Variants in ANKRD44 observed in about 807,000 individuals in gnomAD.
ANKRD44 encodes serine/threonine-protein phosphatase 6 regulatory ankyrin repeat subunit B.
A neutral mutation model predicts 116.0 loss-of-function variants in ANKRD44; 35 were observed. The observed-to-expected ratio is 0.30, with a 90% confidence interval of 0.23 to 0.40. ANKRD44 has a LOEUF of 0.40. Ranked by LOEUF, ANKRD44 falls within the 10% of genes least tolerant of loss-of-function variation. The pLI, the probability that ANKRD44 is intolerant of heterozygous loss-of-function variation, is 1.00. For synonymous variants in ANKRD44, 435 were observed against 461.8 expected, an observed-to-expected ratio of 0.94 and a Z score of 0.74; for missense variants, 1,014 against 1,242.6, an observed-to-expected ratio of 0.82 and a Z score of 2.77.
intron 1 of ANKRD44, among the ~76,000 whole-genome samples, chr2:197,260,223 A>ATCC (rs10678225): frequency 0.34 from 50,997 of 151,680 alleles, 10,518 homozygotes; most frequent in East Asian, 0.64. Flanking sequence ...TCCTAATGCT[A>ATCC]TCCTCCCCAC....
At position 197,081,175 on chromosome 2, in the gene ANKRD44, G is replaced by A. The variant is rs111945070; in HGVS notation, c.1538+470C>T. Among the ~76,000 whole-genome samples the A allele has an allele frequency of 2.6e-3, 398 of 152,318 alleles. 1 individual carries two copies. The highest frequency in any genetic ancestry group is 9.0e-3 in the African/African-American group (374 of 41,564). On this transcript the variant is annotated intron_variant, in intron 15 of 27. Transcript: ENST00000282272. ...CCAGGAGCATCCTTTTGCAGGAGCA[G>A]GAGGCTCTTCCTAAATTGATGTGCA...
At chr2:197,261,364 G>A (rs1467401156) in intron 1 of ANKRD44, among the ~76,000 whole-genome samples, 1 of 151,630 alleles carries the variant, frequency 6.6e-6, no homozygotes, top group Non-Finnish European at 1.5e-5. Flanking sequence ...TTTTTGTCAG[G>A]TTTGTCAAAG....
Position 197,310,727 on chromosome 2 carries a change from C to T in ANKRD44, c.-123G>A, listed in dbSNP as rs555216167. The T allele has an allele frequency of 2.9e-6, 3 of 1,051,446 alleles. No individual in the cohort carries two copies. Among genetic ancestry groups the T allele is most frequent in the East Asian group, 5.7e-5 (1 of 17,512 alleles). The allele number at this position is 1,051,446 out of a possible 1,614,324, so 65.1% of individuals were successfully genotyped here. A position where few individuals can be genotyped will look rare whatever the true frequency, so the allele number is the denominator to read the frequency against. ...AAAATCTGGCTCCCGAATTTGACAG[C>T]CCTCCCCCTGCTCCTCCTCCGCCGC... On this transcript the variant is annotated 5_prime_UTR_variant, in exon 1 of 28. Transcript: ENST00000282272.
At chr2:197,117,219 A>ACCTT (rs2078732194) in intron 8 of ANKRD44, among the ~76,000 whole-genome samples, 2 of 149,968 alleles carry the variant, frequency 1.3e-5, no homozygotes, top group East Asian at 2.0e-4. Context: ...CTTCCTTCCT[A>ACCTT]CCTTCCTTCC....
At chr2:197,175,340 T>C (rs2080340280) in intron 2 of ANKRD44, among the ~76,000 whole-genome samples, 1 of 152,178 alleles carries the variant, frequency 6.6e-6, no homozygotes. Context: ...TGCTCAAACA[T>C]GGAGTGTCCC....
At chr2:197,220,876 T>C (rs1243896725) in intron 1 of ANKRD44, among the ~76,000 whole-genome samples, 2 of 152,214 alleles carry the variant, frequency 1.3e-5, no homozygotes, top group Non-Finnish European at 2.9e-5. Context: ...GATCATGTTA[T>C]ATAATGTCAA....
chr2:197,003,311 A>C (rs892277731), intron 21 of ANKRD44, among the ~76,000 whole-genome samples: 6 of 149,568 alleles, frequency 4.0e-5, no homozygotes, highest in Non-Finnish European at 8.9e-5. Flanking sequence ...ACACCCCTAG[A>C]AAAAAAAAAG....
intron 2 of ANKRD44, among the ~76,000 whole-genome samples, chr2:197,160,459 T>C (rs376254249): frequency 4.6e-5 from 7 of 152,138 alleles, no homozygotes; most frequent in African/African-American, 1.7e-4. Flanking sequence ...AGCCAGCCAA[T>C]AGCAGTGCTT....
intron 21 of ANKRD44, among the ~76,000 whole-genome samples, chr2:196,980,578 G>A (rs2075793809): frequency 2.0e-5 from 3 of 152,202 alleles, no homozygotes; most frequent in Admixed American, 2.0e-4. Flanking sequence ...CTCTGCAGAA[G>A]GCCCGCTGGG....
At chr2:197,264,467 T>C (rs1360415898) in intron 1 of ANKRD44, among the ~76,000 whole-genome samples, 2 of 152,260 alleles carry the variant, frequency 1.3e-5, no homozygotes, top group African/African-American at 4.8e-5. Flanking sequence ...TTTCCCAGCA[T>C]GTTTTCAGCA....
rs1400707289 is a variant in ANKRD44, at chr2:196,980,715, C to A, written c.2368+12868G>T. 2.0e-5 allele frequency among the ~76,000 whole-genome samples: 3 copies of A among 152,288 alleles called. No individual in the cohort carries two copies. The East Asian group carries it at 5.8e-4, about 29-fold the overall frequency. ...GCCTCATAAACACATTTAGGTTAAA[C>A]CATATGGTCATAAAACCTGTCATTC... On this transcript the variant is annotated intron_variant, in intron 21 of 21. Coordinates refer to the ANKRD44 transcript ENST00000424317.
chr2:196,990,532 C>T, intron 27 of ANKRD44: 10 of 1,229,036 alleles, frequency 8.1e-6, no homozygotes, highest in Non-Finnish European at 1.0e-5. Context: ...CCAACAGCCT[C>T]ACTGCCCTCC....
intron 21 of ANKRD44, among the ~76,000 whole-genome samples, chr2:196,973,495 C>G (rs773587545): frequency 6.6e-6 from 1 of 152,078 alleles, no homozygotes; most frequent in Non-Finnish European, 1.5e-5. Context: ...TATCTCCCCA[C>G]GCAAAGGATG....
At chr2:197,256,386 T>C (rs2082447532) in intron 1 of ANKRD44, among the ~76,000 whole-genome samples, 1 of 152,220 alleles carries the variant, frequency 6.6e-6, no homozygotes, top group African/African-American at 2.4e-5. Context: ...CTTTCAACTT[T>C]AATGCTCCAA....
At chr2:197,103,043 C>T (rs2078334792) in intron 9 of ANKRD44, among the ~76,000 whole-genome samples, 1 of 151,946 alleles carries the variant, frequency 6.6e-6, no homozygotes, top group South Asian at 2.1e-4. Context: ...TCCTGGCAAA[C>T]ACGGTGAAAC....
chr2:197,084,269 CT>C (rs1242056325), intron 13 of ANKRD44, among the ~76,000 whole-genome samples: 7 of 152,118 alleles, frequency 4.6e-5, no homozygotes, highest in Non-Finnish European at 7.4e-5. Flanking sequence ...TACATCCCCC[CT>C]ACCTTTGTCC....
chr2:197,204,508 G>A (rs1199309901), intron 1 of ANKRD44, among the ~76,000 whole-genome samples: 2 of 152,152 alleles, frequency 1.3e-5, no homozygotes, highest in Admixed American at 1.3e-4. Flanking sequence ...ATTCAGGTAG[G>A]GGGCTAGACA....
intron 16 of ANKRD44, among the ~76,000 whole-genome samples, chr2:197,054,768 C>T (rs1464924362): frequency 6.6e-6 from 1 of 152,122 alleles, no homozygotes; most frequent in Non-Finnish European, 1.5e-5. Flanking sequence ...GAATAATAAT[C>T]CTAGTAACTC....
chr2:197,254,475 T>C (rs775917402), intron 1 of ANKRD44, among the ~76,000 whole-genome samples: 3 of 152,158 alleles, frequency 2.0e-5, no homozygotes, highest in Non-Finnish European at 2.9e-5. Context: ...CAAAGTGTCC[T>C]AACAGCGGAG....
Sources: gnomAD v4.1 joint callset for allele counts (sites outside exome capture counted in the v4.1 genomes callset) on GRCh38, gnomAD v4.1.1 for gene constraint, MANE v1.5 for transcripts, NCBI Gene and HGNC (gene_info 2026-07-23, HGNC 2026-07-21) for gene names.